The following RELN variants were observed in gnomAD, a reference collection of about 807,000 sequenced individuals.
RELN encodes reelin.
A neutral mutation model predicts 427.6 loss-of-function variants in RELN; 108 were observed. The ratio of observed to expected loss-of-function variants is 0.25; its 90% confidence interval spans 0.22 to 0.30. The LOEUF (loss-of-function observed/expected upper bound fraction) is 0.30. RELN is among the 10% of genes least tolerant of loss of function. The pLI is 1.00. For synonymous variants in RELN, 1,524 were observed against 1,513.4 expected, an observed-to-expected ratio of 1.01 and a Z score of -0.16; for missense variants, 3,715 against 4,302.8, an observed-to-expected ratio of 0.86 and a Z score of 3.82.
At chr7:103,946,972 A>G (rs1796232356) in intron 1 of RELN, among the ~76,000 whole-genome samples, 1 of 152,220 alleles carries the variant, frequency 6.6e-6, no homozygotes, top group Non-Finnish European at 1.5e-5. Flanking sequence ...AGTATAAAGT[A>G]TTAGTGTCAG....
chr7:103,948,581 G>A (rs1323106242), intron 1 of RELN, among the ~76,000 whole-genome samples: 2 of 152,166 alleles, frequency 1.3e-5, no homozygotes, highest in Non-Finnish European at 2.9e-5. Flanking sequence ...GCTGAGGCAG[G>A]AGAATTGCTT....
intron 1 of RELN, among the ~76,000 whole-genome samples, chr7:103,980,372 C>T (rs986076995): frequency 3.9e-5 from 6 of 151,916 alleles, no homozygotes; most frequent in Non-Finnish European, 7.4e-5. Flanking sequence ...CTTATGGGTA[C>T]GAAATTCCAG....
intron 46 of RELN, among the ~76,000 whole-genome samples, chr7:103,531,916 C>T (rs549203179): frequency 3.9e-5 from 6 of 152,244 alleles, no homozygotes; most frequent in East Asian, 3.9e-4. Flanking sequence ...GAGGCAGAAA[C>T]GGCATTCGAC....
chr7:103,899,347 A>C lies in RELN; in HGVS notation c.337+17728T>G, dbSNP rs58315603. ...TCCAGGACCAGAGAGATTCACAGCC[A>C]AATTCAACCAGAGGTACAACGAGGA... On this transcript the variant is annotated intron_variant, in intron 2 of 64. Coordinates refer to ENST00000428762, the MANE Select transcript of RELN (RefSeq NM_005045.4). 3.3e-5 allele frequency among the ~76,000 whole-genome samples: 5 copies of C among 151,860 alleles called. No individual in the cohort carries two copies. The South Asian group carries it at 8.3e-4, about 25-fold the overall frequency.
At chr7:103,871,764 A>G (rs984764389) in intron 2 of RELN, among the ~76,000 whole-genome samples, 2 of 152,112 alleles carry the variant, frequency 1.3e-5, no homozygotes, top group Admixed American at 6.6e-5. Flanking sequence ...AGAGCAAAAC[A>G]ACATTTTGGC....
intron 13 of RELN, among the ~76,000 whole-genome samples, chr7:103,653,480 T>C (rs752742799): frequency 3.6e-4 from 55 of 152,046 alleles, no homozygotes; most frequent in South Asian, 8.3e-4. Flanking sequence ...GTACCATCAG[T>C]GCAAAGAAAA....
chr7:103,747,715 A>G (rs1471770146), intron 6 of RELN, among the ~76,000 whole-genome samples: 1 of 151,486 alleles, frequency 6.6e-6, no homozygotes, highest in Non-Finnish European at 1.5e-5. Flanking sequence ...GGGATAAAGT[A>G]AAATTACTCC....
chr7:103,685,383 A>G (rs1833745618), intron 10 of RELN, among the ~76,000 whole-genome samples: 2 of 152,096 alleles, frequency 1.3e-5, no homozygotes, highest in South Asian at 4.1e-4. Flanking sequence ...AAAAAACAAG[A>G]ATTTTTGGAA....
intron 3 of RELN, among the ~76,000 whole-genome samples, chr7:103,816,485 A>T (rs10246886): frequency 0.44 from 66,274 of 151,134 alleles, 15,280 homozygotes; most frequent in South Asian, 0.56. Flanking sequence ...CCCAAAAGAA[A>T]ACAATGAGAT....
At chr7:103,672,098 C>T (rs555472973) in intron 11 of RELN, among the ~76,000 whole-genome samples, 1 of 152,144 alleles carries the variant, frequency 6.6e-6, no homozygotes, top group South Asian at 2.1e-4. Context: ...TTAAACTGTT[C>T]CGAAGAGCTC....
At chr7:103,686,654 G>T (rs964095096) in intron 10 of RELN, among the ~76,000 whole-genome samples, 5 of 152,116 alleles carry the variant, frequency 3.3e-5, no homozygotes, top group Non-Finnish European at 5.9e-5. Flanking sequence ...ATTAAAGTGA[G>T]ATGTGTGCTA....
Position 103,512,557 on chromosome 7 carries a change from G to A in RELN, c.8120-1552C>T, listed in dbSNP as rs532632000. ...TTGAAGGTGTCTAAAGAAAACCTAA[G>A]TAGTAAGACTATGAATTGATTAATG... On this transcript the variant is annotated intron_variant, in intron 50 of 64. Coordinates refer to ENST00000428762, the MANE Select transcript of RELN (RefSeq NM_005045.4). Among the ~76,000 whole-genome samples, 5 of 152,302 alleles carry A rather than the reference G, an allele frequency of 3.3e-5. No individual in the cohort carries two copies. In the South Asian group the frequency reaches 1.0e-3, roughly 32 times the overall value.
chr7:103,566,082 A>T (rs1830744103), intron 33 of RELN, 142 bp downstream of exon 33: 1 of 733,462 alleles, frequency 1.4e-6, no homozygotes, highest in South Asian at 1.6e-5. Flanking sequence ...TAGCACAATA[A>T]AACTTTTTTT....
intron 3 of RELN, among the ~76,000 whole-genome samples, chr7:103,799,262 T>A (rs751004032): frequency 3.3e-5 from 5 of 152,134 alleles, no homozygotes; most frequent in Non-Finnish European, 5.9e-5. Flanking sequence ...ACAGCTATGA[T>A]AAAGATGGTC....
At chr7:103,666,461 T>C (rs878924370) in intron 11 of RELN, among the ~76,000 whole-genome samples, 2 of 152,162 alleles carry the variant, frequency 1.3e-5, no homozygotes, top group African/African-American at 4.8e-5. Context: ...TTTTAAATCA[T>C]TTAATCATAT....
At chr7:103,760,750 C>T (rs1250213259) in intron 4 of RELN, among the ~76,000 whole-genome samples, 1 of 152,088 alleles carries the variant, frequency 6.6e-6, no homozygotes, top group Non-Finnish European at 1.5e-5. Context: ...TTCAAAGGCC[C>T]TAGGTAGTTT....
rs76144805 is a variant in RELN at position 103,917,496 on chromosome 7, C to T, written c.227-311G>A. ...ATAGATGGTTTCCCCACCTCCACTA[C>T]CACCCCTGAAGGCAGTCAAAGGCAT... On this transcript the variant is annotated intron_variant, in intron 1 of 64. Transcript: ENST00000428762. Among the ~76,000 whole-genome samples the T allele has an allele frequency of 7.4e-3, 1,116 of 151,544 alleles. 13 individuals carry two copies. Among genetic ancestry groups the T allele is most frequent in the African/African-American group, 0.026 (1,060 of 41,314 alleles).
At chr7:103,604,163 T>C (rs1035969385) in intron 23 of RELN, among the ~76,000 whole-genome samples, 183 bp downstream of exon 23, 4 of 152,228 alleles carry the variant, frequency 2.6e-5, no homozygotes, top group Admixed American at 1.3e-4. Context: ...TATGGTTTCA[T>C]ACTTATTTTA....
chr7:103,528,525 G>C (rs920677543), intron 46 of RELN, among the ~76,000 whole-genome samples: 1 of 149,598 alleles, frequency 6.7e-6, no homozygotes, highest in Non-Finnish European at 1.5e-5. Context: ...ACATTGAATT[G>C]TACACTTTAT....
Sources: gnomAD v4.1 joint callset for allele counts (sites outside exome capture counted in the v4.1 genomes callset) on GRCh38, gnomAD v4.1.1 for gene constraint, MANE v1.5 for transcripts, NCBI Gene and HGNC (gene_info 2026-07-23, HGNC 2026-07-21) for gene names.